Variants in NRXN3 observed in about 807,000 individuals in gnomAD.
NRXN3 encodes neurexin 3.
A neutral mutation model predicts 137.6 loss-of-function variants in NRXN3; 32 were observed. That is an observed-to-expected ratio of 0.23 (90% CI 0.18 to 0.31). The LOEUF is 0.31. Among genes scored for constraint, NRXN3 ranks in the 10% least tolerant of loss-of-function variants. The pLI, the probability that NRXN3 is intolerant of heterozygous loss-of-function variation, is 1.00. For missense variants in NRXN3, 1,574 were observed against 2,062.5 expected (o/e 0.76, Z 4.59); for synonymous variants, 798 against 784.5 (o/e 1.02, Z -0.29).
At chr14:78,582,790 A>T (rs2097015941) in intron 4 of NRXN3, among the ~76,000 whole-genome samples, 1 of 152,318 alleles carries the variant, frequency 6.6e-6, no homozygotes, top group South Asian at 2.1e-4. Flanking sequence ...ACAATAACCC[A>T]TCCACACGAT....
At chr14:78,414,814 G>T (rs946180685) in intron 4 of NRXN3, among the ~76,000 whole-genome samples, 2 of 152,102 alleles carry the variant, frequency 1.3e-5, no homozygotes, top group African/African-American at 4.8e-5. Context: ...AAAACCACAC[G>T]ATCTCGGAGG....
chr14:79,173,282 C>T (rs1025365882), intron 15 of NRXN3, among the ~76,000 whole-genome samples: 1 of 151,992 alleles, frequency 6.6e-6, no homozygotes, highest in African/African-American at 2.4e-5. Flanking sequence ...GTAATCTCAG[C>T]ACTTTGTAAG....
intron 3 of NRXN3, among the ~76,000 whole-genome samples, chr14:78,281,374 C>G (rs748861413): frequency 6.6e-6 from 1 of 152,130 alleles, no homozygotes; most frequent in Non-Finnish European, 1.5e-5. Flanking sequence ...ACCCAGAGGC[C>G]GCTGGAAGAC....
At chr14:78,663,263 T>C (rs1160234391) in intron 6 of NRXN3, among the ~76,000 whole-genome samples, 1 of 152,230 alleles carries the variant, frequency 6.6e-6, no homozygotes, top group East Asian at 1.9e-4. Flanking sequence ...AAACTTACTG[T>C]AAGGAATTGT....
At chr14:79,122,362 TGGC>T (rs2055599189) in intron 15 of NRXN3, among the ~76,000 whole-genome samples, 2 of 152,170 alleles carry the variant, frequency 1.3e-5, no homozygotes, top group South Asian at 2.1e-4. Flanking sequence ...GTTCTGACTT[TGGC>T]TGACTTGGAA....
At chr14:79,663,746 A>C in intron 16 of NRXN3, 32 bp from the exon 17 acceptor site, 1 of 1,600,048 alleles carries the variant, frequency 6.2e-7, no homozygotes, top group African/African-American at 1.3e-5. Flanking sequence ...GTGGTTGGTG[A>C]TAACTATGCC....
chr14:78,714,952 C>G lies in NRXN3; in HGVS notation c.1857C>G (p.Arg619=), dbSNP rs2098424745. Residue 619 remains arginine, a synonymous_variant, in exon 8 of 21, where the codon CGC becomes CGG. Transcript: ENST00000335750. ...GCIRDLFIDG[R]SKNIRQLAEM... ...TCCGCGACCTATTCATTGATGGGCGCAGCAAGAACATTCGACAGCTGGCAG... is the reference window on the plus strand; with the variant it reads ...TCCGCGACCTATTCATTGATGGGCGGAGCAAGAACATTCGACAGCTGGCAG... 1.2e-6 allele frequency: 2 copies of G among 1,614,120 alleles called. No homozygotes were observed. The highest frequency in any genetic ancestry group is 4.5e-5 in the East Asian group (2 of 44,850).
intron 4 of NRXN3, among the ~76,000 whole-genome samples, chr14:78,591,389 T>C (rs1223718739): frequency 6.6e-6 from 1 of 152,124 alleles, no homozygotes; most frequent in Non-Finnish European, 1.5e-5. Context: ...GTGCTGTCCA[T>C]ATTGCGGGGC....
chr14:79,800,431 T>G (rs188185316), intron 19 of NRXN3, among the ~76,000 whole-genome samples: 1 of 152,346 alleles, frequency 6.6e-6, no homozygotes, highest in Admixed American at 6.5e-5. Context: ...ATGTTATTAG[T>G]AGGCATGAGT....
intron 19 of NRXN3, among the ~76,000 whole-genome samples, chr14:79,768,464 C>T (rs956404059): frequency 6.6e-6 from 1 of 152,122 alleles, no homozygotes; most frequent in Admixed American, 6.5e-5. Context: ...GGTCCCTGAC[C>T]CCTGACCCCC....
intron 10 of NRXN3, among the ~76,000 whole-genome samples, chr14:78,825,556 C>G (rs1367877200): frequency 2.6e-5 from 4 of 152,218 alleles, no homozygotes; most frequent in Non-Finnish European, 5.9e-5. Context: ...TATACAGGCA[C>G]CAAAAATCAT....
At chr14:79,149,292 G>A (rs545193031) in intron 15 of NRXN3, among the ~76,000 whole-genome samples, 1 of 151,654 alleles carries the variant, frequency 6.6e-6, no homozygotes, top group Non-Finnish European at 1.5e-5. Context: ...CCATTCCATA[G>A]CTATTTGTTG....
chr14:79,059,327 G>A (rs1002536384), intron 15 of NRXN3, among the ~76,000 whole-genome samples: 10 of 138,584 alleles, frequency 7.2e-5, no homozygotes, highest in Non-Finnish European at 1.2e-4. Flanking sequence ...GCACCATCTC[G>A]GCTCACTGCA....
intron 1 of NRXN3, among the ~76,000 whole-genome samples, chr14:78,228,154 TTTC>T (rs1329143300): frequency 6.8e-6 from 1 of 146,884 alleles, no homozygotes; most frequent in African/African-American, 2.5e-5. Flanking sequence ...CTGAATTTTC[TTTC>T]TTTTTTTTTT....
chr14:78,203,734 GAC>G (rs1566962412), intron 1 of NRXN3, among the ~76,000 whole-genome samples: 1 of 151,972 alleles, frequency 6.6e-6, no homozygotes, highest in African/African-American at 2.4e-5. Context: ...AAAGCACAGA[GAC>G]AGAAGCAAAA....
At chr14:79,556,683 G>C (rs1449721402) in intron 16 of NRXN3, among the ~76,000 whole-genome samples, 1 of 152,126 alleles carries the variant, frequency 6.6e-6, no homozygotes, top group Non-Finnish European at 1.5e-5. Context: ...AGCCTCCCAA[G>C]TAGCTGGGAC....
rs142101517 is a variant in NRXN3, at chr14:79,150,873, T to C, written c.3262+162732T>C. On this transcript the variant is annotated intron_variant, in intron 15 of 20. Coordinates refer to ENST00000335750, the MANE Select transcript of NRXN3 (RefSeq NM_001330195.2). ...GAAGGCAGAAGCTGCATGGCAGCCATTATTGGAGCCAGCAATTCAGCAGAA... is the reference window on the plus strand; with the variant it reads ...GAAGGCAGAAGCTGCATGGCAGCCACTATTGGAGCCAGCAATTCAGCAGAA... Among the ~76,000 whole-genome samples, 1,224 of 152,162 alleles carry C rather than the reference T, an allele frequency of 8.0e-3. 23 individuals are homozygous for C. The highest frequency in any genetic ancestry group is 0.026 in the African/African-American group (1,095 of 41,522).
At chr14:78,188,472 A>C (rs892994430) in intron 1 of NRXN3, among the ~76,000 whole-genome samples, 1 of 152,198 alleles carries the variant, frequency 6.6e-6, no homozygotes, top group African/African-American at 2.4e-5. Context: ...CAAATCAGGA[A>C]ACCAAGGCAG....
At chr14:78,287,063 G>C (rs934370494) in intron 3 of NRXN3, among the ~76,000 whole-genome samples, 2 of 152,158 alleles carry the variant, frequency 1.3e-5, no homozygotes, top group African/African-American at 2.4e-5. Context: ...TGAGATCCAG[G>C]CTCACTAAAC....
Sources: allele counts gnomAD v4.1 joint callset (sites outside exome capture counted in the v4.1 genomes callset), GRCh38; gene constraint gnomAD v4.1.1; transcripts MANE v1.5; gene names NCBI Gene and HGNC (gene_info 2026-07-23, HGNC 2026-07-21).